The following PNPLA7 variants were observed in gnomAD, a reference collection of about 807,000 sequenced individuals.
The protein encoded by PNPLA7 is patatin-like phospholipase domain-containing protein 7.
In PNPLA7, 153 loss-of-function variants were observed where a neutral mutation model predicts 161.7. The observed-to-expected ratio is 0.95, with a 90% CI of 0.83 to 1.08. The LOEUF (loss-of-function observed/expected upper bound fraction) is 1.08. Ranked by LOEUF, PNPLA7 falls within the 50% of genes least tolerant of loss-of-function variation. The pLI is 0.00. For synonymous variants in PNPLA7, 809 were observed against 782.1 expected (o/e 1.03, Z -0.57); for missense variants, 1,739 against 1,856.6 (o/e 0.94, Z 1.16).
chr9:137,508,672 C>T (rs1834045859), intron 12 of PNPLA7: 1 of 151,958 alleles, frequency 6.6e-6, no homozygotes. Context: ...AAAGGTAAAA[C>T]GTTAAATCTT....
chr9:137,498,299 C>T, intron 16 of PNPLA7, 54 bp from the exon 17 acceptor site: 2 of 1,596,266 alleles, frequency 1.3e-6, no homozygotes, highest in Non-Finnish European at 8.5e-7. Flanking sequence ...CTACCCTTCG[C>T]CCAGGGCCGC....
intron 33 of PNPLA7, 42 bp downstream of exon 33, chr9:137,461,494 G>A (rs200490256): frequency 1.3e-5 from 21 of 1,566,558 alleles, no homozygotes; most frequent in Admixed American, 3.4e-5. Context: ...GCATCAGGAG[G>A]TCACGCACGT....
At chr9:137,514,175 A>G in intron 12 of PNPLA7, among the ~76,000 whole-genome samples, 1 of 144,406 alleles carries the variant, frequency 6.9e-6, no homozygotes, top group African/African-American at 2.6e-5. Flanking sequence ...CCGGCTGTTG[A>G]GGTGCCCGGG....
chr9:137,505,061 C>T (rs111423637), intron 14 of PNPLA7, among the ~76,000 whole-genome samples: 1,693 of 151,636 alleles, frequency 0.011, 29 homozygotes, highest in African/African-American at 0.038. Flanking sequence ...TGGTCGTGGG[C>T]GCCTGTATCC....
At chr9:137,512,961 T>C (rs1834316558) in intron 12 of PNPLA7, among the ~76,000 whole-genome samples, 1 of 137,678 alleles carries the variant, frequency 7.3e-6, no homozygotes, top group African/African-American at 2.9e-5. Context: ...AGCCTCTGTC[T>C]GAAAAAAAAA....
chr9:137,487,174 G>A (rs1206348041), intron 20 of PNPLA7, among the ~76,000 whole-genome samples: 10 of 152,260 alleles, frequency 6.6e-5, no homozygotes, highest in Non-Finnish European at 1.5e-4. Flanking sequence ...CGCACCGGCT[G>A]CCAAGGGCTC....
intron 8 of PNPLA7, among the ~76,000 whole-genome samples, chr9:137,536,110 G>A (rs59896982): frequency 1.4e-4 from 21 of 149,944 alleles, no homozygotes; most frequent in Admixed American, 7.3e-4. Context: ...CTGAGATCGC[G>A]CCACTGCACT....
chr9:137,527,172 C>T (rs994534822), intron 8 of PNPLA7, among the ~76,000 whole-genome samples: 2 of 140,760 alleles, frequency 1.4e-5, no homozygotes, highest in African/African-American at 5.7e-5. Context: ...GAGGCTGAGG[C>T]AGGAGAATTG....
intron 14 of PNPLA7, among the ~76,000 whole-genome samples, chr9:137,503,439 AG>A (rs1159160257): frequency 1.7e-5 from 2 of 119,526 alleles, no homozygotes; most frequent in East Asian, 3.0e-4. Flanking sequence ...GAGAATGAGG[AG>A]GGGGAAGGAG....
chr9:137,488,101 C>T (rs73567269), intron 20 of PNPLA7, among the ~76,000 whole-genome samples: 2,960 of 152,346 alleles, frequency 0.019, 100 homozygotes, highest in African/African-American at 0.067. Context: ...GACGGAGAAC[C>T]GCCTCCTCAT....
intron 31 of PNPLA7, 39 bp downstream of exon 31, chr9:137,462,140 C>A: frequency 6.5e-7 from 1 of 1,532,020 alleles, no homozygotes; most frequent in Non-Finnish European, 8.8e-7. Flanking sequence ...ACCAGAGTGC[C>A]TCCGCCCGCC....
chr9:137,544,003 C>T (rs1283092683), intron 4 of PNPLA7, among the ~76,000 whole-genome samples, 188 bp from the exon 5 acceptor site: 1 of 152,150 alleles, frequency 6.6e-6, no homozygotes, highest in African/African-American at 2.4e-5. Flanking sequence ...GCGATACAGC[C>T]CCACACATCC....
At chr9:137,481,860 C>T (rs143117905) in intron 21 of PNPLA7, among the ~76,000 whole-genome samples, 1,682 of 152,226 alleles carry the variant, frequency 0.011, 27 homozygotes, top group African/African-American at 0.038. Flanking sequence ...GGCATGAACT[C>T]GGGAGGTGGA....
Position 137,467,359 on chromosome 9 carries a change from C to G in PNPLA7, c.2997G>C (p.Arg999=). 6.2e-7 allele frequency: 1 copy of G among 1,613,612 alleles called. No homozygotes were observed. The highest frequency in any genetic ancestry group is 8.5e-7 in the Non-Finnish European group (1 of 1,179,982). The change falls in exon 26 of 35, where the codon CGG becomes CGC. Residue 999 remains arginine (R), a synonymous_variant. Transcript: ENST00000406427. The surrounding 1 kb of genome is among the most constrained non-coding windows in gnomAD (Gnocchi z 5.1). ...AFVGALYSEE[R]NYSQMRIRAK... is the part of the protein sequence containing the mutation. ...CCCGGATCCGCATCTGGCTGTAGTT[C>G]CGCTCCTCAGAGTACAGGGCACCCA...
chr9:137,492,964 G>T, intron 20 of PNPLA7, 49 bp downstream of exon 20: 2 of 1,570,824 alleles, frequency 1.3e-6, no homozygotes, highest in South Asian at 1.1e-5. Flanking sequence ...GGGGCTCCAG[G>T]ACTGGGTGAG....
intron 19 of PNPLA7, 117 bp from the exon 20 acceptor site, chr9:137,493,199 CA>C: frequency 4.7e-6 from 5 of 1,066,720 alleles, no homozygotes; most frequent in Non-Finnish European, 2.8e-6. Context: ...ATCTGCTTTT[CA>C]AAACCTCCAT....
rs1831252655 is a variant in PNPLA7, at chr9:137,462,329, C to T, written c.3495G>A (p.Val1165=). 1 of 1,596,988 alleles carries T rather than the reference C, an allele frequency of 6.3e-7. No individual in the cohort carries two copies. The highest frequency in any genetic ancestry group is 8.5e-7 in the Non-Finnish European group (1 of 1,170,986). The change falls in exon 31 of 35, where the codon GTG becomes GTA. Residue 1165 remains valine, a splice_region_variant and synonymous_variant. Coordinates refer to ENST00000406427, the MANE Select transcript of PNPLA7 (RefSeq NM_001098537.3). The part of the protein sequence containing the change: ...RWNPLATKVK[V]LNMAEIQTRL... ...GCGTCTGAATCTCTGCCATGTTCAA[C>T]ACCTGCTGCCGTCACAGCCGCCTGA...
In PNPLA7 at chr9:137,480,809, TG is replaced by T. The variant is rs1451048566; in HGVS notation, c.2411+150del. ...GGTCAGCGCTGCCCAGTGTGTCCAG[TG>T]AAGGGAGTCACGTCATCAGCCCTCA... On this transcript the variant is annotated intron_variant, in intron 22 of 34. Transcript: ENST00000406427. 3 of 921,674 alleles carry T rather than the reference TG, an allele frequency of 3.3e-6. No individual in the cohort carries two copies. In the African/African-American group the frequency reaches 4.9e-5, roughly 15 times the overall value. 57.1% of individuals were successfully genotyped at this position (921,674 alleles called of 1,614,324 possible). A position where few individuals can be genotyped will look rare whatever the true frequency, so the allele number is the denominator to read the frequency against.
chr9:137,463,097 T>C (rs1831297201), intron 29 of PNPLA7: 1 of 596,886 alleles, frequency 1.7e-6, no homozygotes, highest in Non-Finnish European at 2.9e-6. Context: ...ACCTGCAGGC[T>C]GTTAGTTTCT....
Sources: gnomAD v4.1 joint callset for allele counts (sites outside exome capture counted in the v4.1 genomes callset) on GRCh38, gnomAD v4.1.1 for gene constraint, Gnocchi (gnomAD v3.1) non-coding constraint, MANE v1.5 for transcripts, NCBI Gene and HGNC (gene_info 2026-07-23, HGNC 2026-07-21) for gene names.